SLC40A1: variants seen among roughly 807,000 people sequenced by gnomAD.
The protein encoded by SLC40A1 is solute carrier family 40 member 1, also known as ferroportin.
In SLC40A1, 16 loss-of-function variants were observed where a neutral mutation model predicts 53.5. The ratio of observed to expected loss-of-function variants is 0.30; its 90% CI spans 0.20 to 0.45. SLC40A1 has a LOEUF of 0.45. SLC40A1 is among the 20% of genes least tolerant of loss of function. The pLI, the probability that SLC40A1 is intolerant of heterozygous loss-of-function variation, is 1.00. For synonymous variants in SLC40A1, 247 were observed against 253.2 expected, an observed-to-expected ratio of 0.98 and a Z score of 0.23; for missense variants, 545 against 695.4, an observed-to-expected ratio of 0.78 and a Z score of 2.43.
rs1462828289 is a variant in SLC40A1, at chr2:189,580,777, C to CGCT, written c.-318_-317insAGC. The CGCT allele has an allele frequency of 1.9e-5, 24 of 1,275,334 alleles. No homozygotes were observed. The highest frequency in any genetic ancestry group is 2.3e-5 in the Non-Finnish European group (23 of 1,001,354). 79.0% of individuals were successfully genotyped at this position (1,275,334 alleles called of 1,614,324 possible). On this transcript the variant is annotated 5_prime_UTR_variant, in exon 1 of 8. Transcript: ENST00000261024. The stretch of plus-strand genomic sequence containing the variant: ...GCCCTGAGCCAGCTCTCTCCGCCGC[C>CGCT]GCCGCCGCCGCCGTGGGCCGGGCCC...
rs199556225 is a variant in SLC40A1, at chr2:189,579,843, A to C, written c.81T>G (p.Leu27=). ...LADYLTSAKF[L]LYLGHSLSTW... is the part of the protein sequence containing the mutation. ...TAGAGAGAGAATGACCAAGGTAGAG[A>C]AGGAATTTTGCAGAGGTCAGGTAGT... The change falls in exon 2 of 8, where the codon CTT becomes CTG. Residue 27 remains leucine (L), a synonymous_variant. Transcript: ENST00000261024. 2.5e-6 allele frequency: 4 copies of C among 1,614,196 alleles called. No individual in the cohort carries two copies. Among genetic ancestry groups the C allele is most frequent in the Non-Finnish European group, 3.4e-6 (4 of 1,180,032 alleles).
intron 5 of SLC40A1, among the ~76,000 whole-genome samples, chr2:189,569,020 C>T: frequency 6.6e-6 from 1 of 152,210 alleles, no homozygotes; most frequent in East Asian, 1.9e-4. Context: ...CTAGAAAGTA[C>T]CTAAATTAGT....
At chr2:189,571,126 T>C (rs917583930) in intron 5 of SLC40A1, among the ~76,000 whole-genome samples, 1 of 152,326 alleles carries the variant, frequency 6.6e-6, no homozygotes, top group South Asian at 2.1e-4. Flanking sequence ...CTTTGACCAC[T>C]TGTTTATATT....
intron 4 of SLC40A1, 109 bp downstream of exon 4, chr2:189,572,737 A>G: frequency 1.3e-6 from 1 of 759,584 alleles, no homozygotes; most frequent in Non-Finnish European, 2.3e-6. Flanking sequence ...AGAAATCAAT[A>G]TTAAAAGGTC....
chr2:189,572,487 A>G (rs2031160916), intron 4 of SLC40A1: 1 of 306,182 alleles, frequency 3.3e-6, no homozygotes, highest in Non-Finnish European at 6.2e-6. Flanking sequence ...AGTAACAATT[A>G]TTATTGGAGG....
At chr2:189,573,706 AT>A (rs1164289252) in intron 3 of SLC40A1, among the ~76,000 whole-genome samples, 1 of 152,236 alleles carries the variant, frequency 6.6e-6, no homozygotes, top group African/African-American at 2.4e-5. Context: ...TTATAGGGTC[AT>A]AATGATGCTC....
In SLC40A1 at chr2:189,575,156, C is replaced by T. The variant is rs770834580; in HGVS notation, c.271+5G>A. On this transcript the variant is annotated splice_donor_5th_base_variant and intron_variant, in intron 3 of 7. Coordinates refer to ENST00000261024, the MANE Select transcript of SLC40A1 (RefSeq NM_014585.6). ...AAAAGGGCTTAATTATATAACAACA[C>T]TCACCTTTAAGTCTAGCATTCTTGT... 2 of 1,613,988 alleles carry T rather than the reference C, an allele frequency of 1.2e-6. No individual in the cohort carries two copies. Among genetic ancestry groups the T allele is most frequent in the East Asian group, 2.2e-5 (1 of 44,870 alleles).
At chr2:189,564,722 C>A (rs532511604) in intron 6 of SLC40A1, among the ~76,000 whole-genome samples, 1 of 152,238 alleles carries the variant, frequency 6.6e-6, no homozygotes, top group Non-Finnish European at 1.5e-5. Context: ...TGCCTGCAAT[C>A]CCAGCTACTT....
Position 189,562,204 on chromosome 2 carries a change from AT to A in SLC40A1, c.1403-14del. On this transcript the variant is annotated splice_polypyrimidine_tract_variant and intron_variant, in intron 7 of 7. Transcript: ENST00000261024. ...AAGGACCAAAGACCTATAATAAAAT[AT>A]TTTTTTAAAGATTAGATTTTAGTTT... 3 of 1,569,710 alleles carry A rather than the reference AT, an allele frequency of 1.9e-6. No individual in the cohort carries two copies. Among genetic ancestry groups the A allele is most frequent in the East Asian group, 2.4e-5 (1 of 41,590 alleles).
intron 5 of SLC40A1, among the ~76,000 whole-genome samples, chr2:189,566,045 T>C (rs1453322172): frequency 6.6e-6 from 1 of 152,106 alleles, no homozygotes; most frequent in African/African-American, 2.4e-5. Context: ...TGTGTGCGTG[T>C]GTGTGTGTGT....
intron 5 of SLC40A1, among the ~76,000 whole-genome samples, chr2:189,571,231 T>C (rs923699346): frequency 5.9e-5 from 9 of 152,144 alleles, no homozygotes; most frequent in Non-Finnish European, 1.0e-4. Context: ...ACATTGTACA[T>C]AATGTAATAA....
At position 189,580,474 on chromosome 2, in the gene SLC40A1, C is replaced by T. The variant is rs773977347; in HGVS notation, c.-14G>A. 1.2e-6 allele frequency: 2 copies of T among 1,613,112 alleles called. No homozygotes were observed. Among genetic ancestry groups the T allele is most frequent in the Admixed American group, 1.7e-5 (1 of 59,996 alleles). ...CGCCCTGGTCATGACACTAGGCGACCCCGCTGGCTCTTCTGCGGCTGCTAT... is the reference window on the plus strand; with the variant it reads ...CGCCCTGGTCATGACACTAGGCGACTCCGCTGGCTCTTCTGCGGCTGCTAT... On this transcript the variant is annotated 5_prime_UTR_variant, in exon 1 of 8. Transcript: ENST00000261024.
At chr2:189,572,622 T>C (rs978820820) in intron 4 of SLC40A1, 4 of 586,712 alleles carry the variant, frequency 6.8e-6, no homozygotes, top group East Asian at 5.7e-5. Context: ...AGAAATGCCA[T>C]TAGAAACCAA....
At chr2:189,576,026 A>G (rs2031275711) in intron 2 of SLC40A1, among the ~76,000 whole-genome samples, 1 of 152,206 alleles carries the variant, frequency 6.6e-6, no homozygotes, top group East Asian at 1.9e-4. Flanking sequence ...AAAGGGGGAA[A>G]AAGCTACTTA....
chr2:189,564,113 G>A lies in SLC40A1; in HGVS notation c.873C>T (p.Pro291=). 2.5e-6 allele frequency: 4 copies of A among 1,611,516 alleles called. No individual in the cohort carries two copies. Among genetic ancestry groups the A allele is most frequent in the South Asian group, 1.1e-5 (1 of 90,736 alleles). ...EPTCASQMAE[P]FRTFRDGWVS... ...CCCATCCATCTCGGAAGGTACGGAAGGGCTCAGCCATCTGGGAGGCACAAG... is the reference window on the plus strand; with the variant it reads ...CCCATCCATCTCGGAAGGTACGGAAAGGCTCAGCCATCTGGGAGGCACAAG... Residue 291 remains proline, a synonymous_variant, in exon 7 of 8, where the codon CCC becomes CCT. Transcript: ENST00000261024.
chr2:189,580,691 A>G lies in SLC40A1; in HGVS notation c.-231T>C. ...TAGCTAACACTGTAGCTGAAGTTGG[A>G]AAGGCAAAGCCTTATGGAAGCGGTT... On this transcript the variant is annotated 5_prime_UTR_variant, in exon 1 of 8. Transcript: ENST00000261024. 6.8e-7 allele frequency: 1 copy of G among 1,469,870 alleles called. No individual in the cohort carries two copies. The highest frequency in any genetic ancestry group is 9.0e-7 in the Non-Finnish European group (1 of 1,113,120). The allele number at this position is 1,469,870 out of a possible 1,614,324, so 91.1% of individuals were successfully genotyped here.
In SLC40A1 at chr2:189,567,467, C is replaced by T. The variant is rs562731139; in HGVS notation, c.515-1868G>A. Reference sequence around the variant, plus strand: ...ACATGACTATGTACTCCATAATAAGCACAATTATGTGTCAGTATAAAAAAT... The same window carrying T: ...ACATGACTATGTACTCCATAATAAGTACAATTATGTGTCAGTATAAAAAAT... On this transcript the variant is annotated intron_variant, in intron 5 of 7. Transcript: ENST00000261024. 1.1e-4 allele frequency among the ~76,000 whole-genome samples: 16 copies of T among 152,130 alleles called. No homozygotes were observed. In the South Asian group the frequency reaches 3.3e-3, roughly 32 times the overall value.
At chr2:189,564,329 C>T in intron 6 of SLC40A1, 104 bp from the exon 7 acceptor site, 1 of 922,040 alleles carries the variant, frequency 1.1e-6, no homozygotes, top group South Asian at 1.4e-5. Flanking sequence ...CCAATGGGTA[C>T]CCTTGGTTAG....
In SLC40A1 at chr2:189,580,439, T is replaced by C; in HGVS notation, c.22A>G (p.Asn8Asp). The C allele has an allele frequency of 6.2e-7, 1 of 1,613,926 alleles. No individual in the cohort carries two copies. The highest frequency in any genetic ancestry group is 8.5e-7 in the Non-Finnish European group (1 of 1,180,020). ...TCACCACAGCATCCTCTCTGGCGGTTGTGATCTCCCGCCCTGGTCATGACA... is the reference window on the plus strand; with the variant it reads ...TCACCACAGCATCCTCTCTGGCGGTCGTGATCTCCCGCCCTGGTCATGACA... MTRAGDH[N>D]RQRGCCGSLA... is the part of the protein sequence containing the mutation. Residue 8 changes from asparagine (N) to aspartate (D), a missense_variant, in exon 1 of 8, where the codon AAC (asparagine) becomes GAC (aspartate). Asn to Asp is a conservative substitution (Grantham distance 23). Coordinates refer to ENST00000261024, the MANE Select transcript of SLC40A1 (RefSeq NM_014585.6).
Sources: allele counts gnomAD v4.1 joint callset (sites outside exome capture counted in the v4.1 genomes callset), GRCh38; gene constraint gnomAD v4.1.1; transcripts MANE v1.5; gene names NCBI Gene and HGNC (gene_info 2026-07-23, HGNC 2026-07-21).